HS6ST3: variants seen among roughly 807,000 people sequenced by gnomAD.
The protein encoded by HS6ST3 is heparan-sulfate 6-O-sulfotransferase 3.
HS6ST3 carries 12 observed loss-of-function variants against 36.7 expected under a neutral mutation model. That is an observed-to-expected ratio of 0.33 (90% CI 0.21 to 0.53). The LOEUF is 0.53. Ranked by LOEUF, HS6ST3 falls within the 20% of genes least tolerant of loss-of-function variation. HS6ST3 has a pLI of 0.95. For missense variants in HS6ST3, 584 were observed against 640.9 expected (o/e 0.91, Z 0.96); for synonymous variants, 240 against 257.5 (o/e 0.93, Z 0.65).
Position 96,557,442 on chromosome 13 carries a change from A to G in HS6ST3, c.708-275048A>G, listed in dbSNP as rs2138952806. ...AATATCTGAAGAAAAAATATGAAAG[A>G]CACCACACCAATGAGAAAACCCAGC... On this transcript the variant is annotated intron_variant, in intron 1 of 1. Transcript: ENST00000376705. Among the ~76,000 whole-genome samples the G allele has an allele frequency of 2.0e-5, 3 of 152,316 alleles. No homozygotes were observed. The South Asian group carries it at 6.2e-4, about 32-fold the overall frequency.
intron 1 of HS6ST3, among the ~76,000 whole-genome samples, chr13:96,532,651 G>C (rs2056140242): frequency 6.6e-6 from 1 of 152,164 alleles, no homozygotes; most frequent in South Asian, 2.1e-4. Flanking sequence ...TTTGTGCTAG[G>C]CTAACAAAGA....
intron 1 of HS6ST3, among the ~76,000 whole-genome samples, chr13:96,471,635 T>A (rs1443242124): frequency 6.6e-6 from 1 of 152,218 alleles, no homozygotes; most frequent in Non-Finnish European, 1.5e-5. Context: ...AGTGAGTTTA[T>A]CCAGGATAGC....
At chr13:96,684,274 G>A (rs1874704363) in intron 1 of HS6ST3, among the ~76,000 whole-genome samples, 2 of 151,872 alleles carry the variant, frequency 1.3e-5, no homozygotes, top group Admixed American at 1.3e-4. Context: ...CTACATGCAT[G>A]TTCCAAAAGT....
intron 1 of HS6ST3, among the ~76,000 whole-genome samples, chr13:96,158,308 T>G (rs61968012): frequency 0.027 from 4,101 of 151,942 alleles, 69 homozygotes; most frequent in Non-Finnish European, 0.034. Flanking sequence ...GGAGATGGCA[T>G]GGATCTAAAT....
At chr13:96,105,595 A>G (rs1465974089) in intron 1 of HS6ST3, among the ~76,000 whole-genome samples, 1 of 152,210 alleles carries the variant, frequency 6.6e-6, no homozygotes. Flanking sequence ...AGTTGCAGTG[A>G]GCTGAAATCG....
chr13:96,465,343 T>C (rs913065905), intron 1 of HS6ST3, among the ~76,000 whole-genome samples: 3 of 152,116 alleles, frequency 2.0e-5, no homozygotes, highest in African/African-American at 7.2e-5. Flanking sequence ...CAAATGTCCA[T>C]TGATAGTAGA....
chr13:96,633,922 A>C (rs1402892878), intron 1 of HS6ST3, among the ~76,000 whole-genome samples: 2 of 152,116 alleles, frequency 1.3e-5, no homozygotes, highest in African/African-American at 4.8e-5. Context: ...TTGATTCCCA[A>C]TGTGACAACA....
At chr13:96,420,211 G>T (rs1428355147) in intron 1 of HS6ST3, among the ~76,000 whole-genome samples, 1 of 152,172 alleles carries the variant, frequency 6.6e-6, no homozygotes, top group Non-Finnish European at 1.5e-5. Flanking sequence ...CTGGGCAGGG[G>T]GAAAGAGTGC....
chr13:96,787,690 T>C (rs1482124718), intron 1 of HS6ST3, among the ~76,000 whole-genome samples: 2 of 152,032 alleles, frequency 1.3e-5, no homozygotes, highest in African/African-American at 4.8e-5. Flanking sequence ...GATTTGCAAA[T>C]ATTTTCTCCC....
chr13:96,558,075 C>A (rs1462284182), intron 1 of HS6ST3, among the ~76,000 whole-genome samples: 1 of 152,056 alleles, frequency 6.6e-6, no homozygotes, highest in African/African-American at 2.4e-5. Context: ...TCTTTAAATT[C>A]TTCTTTTTGA....
intron 1 of HS6ST3, among the ~76,000 whole-genome samples, chr13:96,764,781 T>G (rs1212819590): frequency 6.6e-6 from 1 of 152,208 alleles, no homozygotes; most frequent in African/African-American, 2.4e-5. Context: ...TGGGAAGAAT[T>G]TAATTCCACA....
intron 1 of HS6ST3, among the ~76,000 whole-genome samples, chr13:96,427,813 C>G (rs545090641): frequency 2.6e-5 from 4 of 152,146 alleles, no homozygotes; most frequent in Non-Finnish European, 5.9e-5. Flanking sequence ...TTGACTCCTA[C>G]AATCTGTGGC....
At chr13:96,236,830 A>G (rs1342709910) in intron 1 of HS6ST3, among the ~76,000 whole-genome samples, 1 of 152,208 alleles carries the variant, frequency 6.6e-6, no homozygotes, top group Non-Finnish European at 1.5e-5. Context: ...AAATCTTTTT[A>G]GACCTCTTCT....
chr13:96,306,226 C>G (rs568658128), intron 1 of HS6ST3, among the ~76,000 whole-genome samples: 36 of 151,988 alleles, frequency 2.4e-4, no homozygotes, highest in Non-Finnish European at 4.1e-4. Flanking sequence ...CCCTCAGCCT[C>G]CCAAGTAGCT....
chr13:96,178,246 T>G (rs1311526395), intron 1 of HS6ST3, among the ~76,000 whole-genome samples: 2 of 152,174 alleles, frequency 1.3e-5, no homozygotes, highest in African/African-American at 4.8e-5. Flanking sequence ...TTTTTATAAG[T>G]ATAAAATAAT....
chr13:96,258,613 G>C (rs1277065908), intron 1 of HS6ST3, among the ~76,000 whole-genome samples: 1 of 152,072 alleles, frequency 6.6e-6, no homozygotes, highest in African/African-American at 2.4e-5. Flanking sequence ...CTTAGGATAG[G>C]CTCTTTCCTT....
chr13:96,699,743 G>A (rs985727094), intron 1 of HS6ST3, among the ~76,000 whole-genome samples: 11 of 152,186 alleles, frequency 7.2e-5, no homozygotes, highest in Non-Finnish European at 1.0e-4. Flanking sequence ...CCATTACTGG[G>A]TATATACCCA....
In HS6ST3 at chr13:96,364,060, A is replaced by AAG. The variant is rs558812069; in HGVS notation, c.707+272492_707+272493insGA. Among the ~76,000 whole-genome samples, 142 of 152,298 alleles carry AAG rather than the reference A, an allele frequency of 9.3e-4. 3 individuals are homozygous for AAG. Among genetic ancestry groups the AAG allele is most frequent in the African/African-American group, 3.3e-3 (136 of 41,580 alleles). ...TTATTTTACTCAACATTCTTGAAGAAAAAATAATTTATAAAAATACTGGAA... is the reference window on the plus strand; with the variant it reads ...TTATTTTACTCAACATTCTTGAAGAAAGAAAATAATTTATAAAAATACTGGAA... On this transcript the variant is annotated intron_variant, in intron 1 of 1. Coordinates refer to ENST00000376705, the MANE Select transcript of HS6ST3 (RefSeq NM_153456.4).
intron 1 of HS6ST3, among the ~76,000 whole-genome samples, chr13:96,753,693 T>C (rs1876755256): frequency 6.6e-6 from 1 of 152,202 alleles, no homozygotes; most frequent in Non-Finnish European, 1.5e-5. Flanking sequence ...TTTAAATTTA[T>C]TGTCTGCATG....
Sources: allele counts gnomAD v4.1 joint callset (sites outside exome capture counted in the v4.1 genomes callset), GRCh38; gene constraint gnomAD v4.1.1; transcripts MANE v1.5; gene names NCBI Gene and HGNC (gene_info 2026-07-23, HGNC 2026-07-21).